Variants in KHDRBS3 observed in about 807,000 individuals in gnomAD.
The protein encoded by KHDRBS3 is KH domain-containing, RNA-binding, signal transduction-associated protein 3.
Under a neutral mutation model 45.6 loss-of-function variants are expected in KHDRBS3, and 23 were observed. The observed-to-expected ratio is 0.50, with a 90% confidence interval of 0.36 to 0.72. The LOEUF is 0.72. Ranked by LOEUF, KHDRBS3 falls within the 30% of genes least tolerant of loss-of-function variation. The pLI is 0.00. For synonymous variants in KHDRBS3, 162 were observed against 156.5 expected (o/e 1.04, Z -0.26); for missense variants, 352 against 424.8 (o/e 0.83, Z 1.51).
chr8:135,547,656 A>C (rs1291268214), intron 3 of KHDRBS3, among the ~76,000 whole-genome samples: 3 of 152,152 alleles, frequency 2.0e-5, no homozygotes, highest in Admixed American at 2.0e-4. Context: ...TCTAGCATTT[A>C]TTTTATTATT....
chr8:135,540,208 G>A (rs1169150479), intron 2 of KHDRBS3: 1 of 152,210 alleles, frequency 6.6e-6, no homozygotes, highest in African/African-American at 2.4e-5. Flanking sequence ...GGCAAATGAT[G>A]TCTGTAAAAT....
Position 135,542,795 on chromosome 8 carries a change from T to C in KHDRBS3, c.324+25T>C, listed in dbSNP as rs755841585. On this transcript the variant is annotated intron_variant, in intron 3 of 8. Transcript: ENST00000355849. ...GGTAATATTAATTATAGAAAACGGC[T>C]AAGTTGTGTATCATGTTATATTATG... 4.3e-6 allele frequency: 6 copies of C among 1,410,484 alleles called. No individual in the cohort carries two copies. In the African/African-American group the frequency reaches 8.5e-5, roughly 20 times the overall value. 87.4% of individuals were successfully genotyped at this position (1,410,484 alleles called of 1,614,324 possible).
Position 135,517,490 on chromosome 8 carries a change from G to A in KHDRBS3, c.89-3747G>A, listed in dbSNP as rs570693357. Reference sequence around the variant, plus strand: ...ACAGGCATAAATCCTTGAGACAGCTGTCTCAAGATTTCGTAGATAATTTTG... The same window carrying A: ...ACAGGCATAAATCCTTGAGACAGCTATCTCAAGATTTCGTAGATAATTTTG... On this transcript the variant is annotated intron_variant, in intron 1 of 8. Transcript: ENST00000355849. Among the ~76,000 whole-genome samples, 38 of 152,130 alleles carry A rather than the reference G, an allele frequency of 2.5e-4. No homozygotes were observed. The South Asian group carries it at 7.7e-3, about 31-fold the overall frequency.
At chr8:135,609,702 A>C (rs1829630308) in intron 7 of KHDRBS3, among the ~76,000 whole-genome samples, 1 of 151,860 alleles carries the variant, frequency 6.6e-6, no homozygotes, top group Non-Finnish European at 1.5e-5. Context: ...TCTCAGCACC[A>C]TTATGATATC....
intron 6 of KHDRBS3, among the ~76,000 whole-genome samples, chr8:135,601,822 A>T (rs1232432578): frequency 1.3e-5 from 2 of 152,290 alleles, no homozygotes; most frequent in Middle Eastern, 3.4e-3. Context: ...CGTTATAGCA[A>T]ATAATACATT....
At chr8:135,473,217 C>T (rs1339904825) in intron 1 of KHDRBS3, among the ~76,000 whole-genome samples, 1 of 152,164 alleles carries the variant, frequency 6.6e-6, no homozygotes, top group Non-Finnish European at 1.5e-5. Flanking sequence ...CTCCTCCGTC[C>T]GGAAAGCTTC....
At chr8:135,643,279 G>T (rs1482544323) in intron 7 of KHDRBS3, among the ~76,000 whole-genome samples, 2 of 152,102 alleles carry the variant, frequency 1.3e-5, no homozygotes, top group Admixed American at 6.6e-5. Context: ...AGAACACTGT[G>T]CAAGCACTGC....
At chr8:135,549,026 C>A in intron 4 of KHDRBS3, 126 bp downstream of exon 4, 2 of 512,088 alleles carry the variant, frequency 3.9e-6, no homozygotes, top group Non-Finnish European at 6.5e-6. Flanking sequence ...TGGACATCAC[C>A]TCAAGTAGAC....
intron 6 of KHDRBS3, 77 bp downstream of exon 6, chr8:135,582,150 C>T (rs1338676877): frequency 6.0e-6 from 8 of 1,328,322 alleles, no homozygotes; most frequent in East Asian, 5.2e-5. Context: ...ATTGTACCCG[C>T]GTACGCTTCC....
chr8:135,625,703 C>T (rs1830327477), intron 7 of KHDRBS3: 1 of 789,214 alleles, frequency 1.3e-6, no homozygotes, highest in Non-Finnish European at 2.3e-6. Context: ...CTAATTTGTC[C>T]ACAGGAATTA....
rs539115393 is a variant in KHDRBS3 at position 135,646,055 on chromosome 8, T to C, written c.949+938T>C. On this transcript the variant is annotated intron_variant, in intron 8 of 8. Transcript: ENST00000355849. ...GTAACAAACACTTAAGAGAAATATGTTGGTTTGCTGAATGCAGGCTACCTA... is the reference window on the plus strand; with the variant it reads ...GTAACAAACACTTAAGAGAAATATGCTGGTTTGCTGAATGCAGGCTACCTA... Among the ~76,000 whole-genome samples, 25 of 148,978 alleles carry C rather than the reference T, an allele frequency of 1.7e-4. No individual in the cohort carries two copies. The Admixed American group carries it at 1.7e-3, about 10-fold the overall frequency.
intron 1 of KHDRBS3, among the ~76,000 whole-genome samples, chr8:135,461,178 C>T (rs534962008): frequency 1.3e-5 from 2 of 152,312 alleles, no homozygotes; most frequent in South Asian, 4.1e-4. Context: ...AATCTAGGCT[C>T]ACCGTAACCT....
At chr8:135,468,571 A>G (rs1821819508) in intron 1 of KHDRBS3, among the ~76,000 whole-genome samples, 1 of 152,200 alleles carries the variant, frequency 6.6e-6, no homozygotes, top group African/African-American at 2.4e-5. Flanking sequence ...GCAGCCACAG[A>G]CACTATGTAA....
At chr8:135,573,208 C>G (rs763497117) in intron 5 of KHDRBS3, among the ~76,000 whole-genome samples, 3 of 152,144 alleles carry the variant, frequency 2.0e-5, no homozygotes, top group Non-Finnish European at 4.4e-5. Context: ...TGCTGGAGCT[C>G]GCTTAAGCAG....
chr8:135,513,465 A>T (rs1824411575), intron 1 of KHDRBS3, among the ~76,000 whole-genome samples: 1 of 152,206 alleles, frequency 6.6e-6, no homozygotes, highest in Non-Finnish European at 1.5e-5. Flanking sequence ...ATTGTGACTT[A>T]TAAGTTACTT....
intron 8 of KHDRBS3, 67 bp downstream of exon 8, chr8:135,645,184 T>G: frequency 1.3e-6 from 2 of 1,515,034 alleles, no homozygotes; most frequent in Non-Finnish European, 1.8e-6. Context: ...CTTAAAGATA[T>G]TAATGGGAAG....
intron 3 of KHDRBS3, among the ~76,000 whole-genome samples, chr8:135,547,593 A>G (rs1826374326): frequency 6.6e-6 from 1 of 152,206 alleles, no homozygotes; most frequent in South Asian, 2.1e-4. Flanking sequence ...AGTTCAAATT[A>G]GTCAAGTAAC....
intron 1 of KHDRBS3, among the ~76,000 whole-genome samples, chr8:135,470,965 C>A (rs1009680821): frequency 6.6e-6 from 1 of 152,300 alleles, no homozygotes; most frequent in East Asian, 1.9e-4. Flanking sequence ...GTTTCTTCAT[C>A]TGTAAAATGG....
chr8:135,538,052 C>T (rs1277285933), intron 2 of KHDRBS3, among the ~76,000 whole-genome samples: 1 of 152,090 alleles, frequency 6.6e-6, no homozygotes, highest in African/African-American at 2.4e-5. Context: ...TAAGTTATAT[C>T]TCAGAAGTCA....
Sources: gnomAD v4.1 joint callset for allele counts (sites outside exome capture counted in the v4.1 genomes callset) on GRCh38, gnomAD v4.1.1 for gene constraint, MANE v1.5 for transcripts, NCBI Gene and HGNC (gene_info 2026-07-23, HGNC 2026-07-21) for gene names.